The following PPFIBP1 variants were observed in gnomAD, a reference collection of about 807,000 sequenced individuals.
The protein encoded by PPFIBP1 is PPFIB scaffold protein 1, also known as liprin-beta-1.
A neutral mutation model predicts 137.8 loss-of-function variants in PPFIBP1; 112 were observed. That is an observed-to-expected ratio of 0.81 (90% CI 0.70 to 0.95). The LOEUF (loss-of-function observed/expected upper bound fraction) is 0.95. Among genes scored for constraint, PPFIBP1 ranks in the 40% least tolerant of loss-of-function variants. The probability of loss-of-function intolerance (pLI) is 0.00; values close to 1 mark genes in which losing one functional copy is unlikely to be tolerated. For synonymous variants in PPFIBP1, 378 were observed against 417.3 expected (o/e 0.91, Z 1.15); for missense variants, 1,083 against 1,196.6 (o/e 0.91, Z 1.40).
rs544474689 is a variant in PPFIBP1 at position 27,611,487 on chromosome 12, A to T, written c.-35-21875A>T. Among the ~76,000 whole-genome samples, 30 of 152,290 alleles carry T rather than the reference A, an allele frequency of 2.0e-4. No homozygotes were observed. The South Asian group carries it at 3.1e-3, about 16-fold the overall frequency. ...AATCTTGTTTAAATTGATTATAAAG[A>T]CCCTATATCCAAATAAGGTCACATG... is the stretch of plus-strand genomic sequence containing the variant. On this transcript the variant is annotated intron_variant, in intron 2 of 29. Transcript: ENST00000228425.
chr12:27,612,339 T>G (rs1370549083), intron 2 of PPFIBP1, among the ~76,000 whole-genome samples: 1 of 143,230 alleles, frequency 7.0e-6, no homozygotes, highest in Non-Finnish European at 1.5e-5. Flanking sequence ...TTTTTTTTTT[T>G]TTTTTTTTTT....
intron 5 of PPFIBP1, among the ~76,000 whole-genome samples, chr12:27,647,420 C>T (rs11834107): frequency 0.26 from 39,927 of 152,064 alleles, 6,217 homozygotes; most frequent in East Asian, 0.48. Context: ...TCCACGCTGC[C>T]CCCTAAAAAG....
At chr12:27,564,151 G>A (rs889921834) in intron 1 of PPFIBP1, among the ~76,000 whole-genome samples, 11 of 152,178 alleles carry the variant, frequency 7.2e-5, no homozygotes, top group Non-Finnish European at 1.6e-4. Context: ...GATTACAGGC[G>A]TGAGCCACCG....
chr12:27,652,975 G>T (rs2058967829), intron 7 of PPFIBP1, among the ~76,000 whole-genome samples: 1 of 152,080 alleles, frequency 6.6e-6, no homozygotes, highest in South Asian at 2.1e-4. Context: ...GAAGAAAATA[G>T]ATATCATCTA....
chr12:27,671,597 C>T, intron 14 of PPFIBP1, 51 bp downstream of exon 14: 1 of 1,197,568 alleles, frequency 8.4e-7, no homozygotes, highest in South Asian at 1.5e-5. Context: ...AGTAGATCAG[C>T]CAAAGACAAG....
chr12:27,662,683 C>CAAGT (rs2059623306), intron 11 of PPFIBP1, among the ~76,000 whole-genome samples: 1 of 152,074 alleles, frequency 6.6e-6, no homozygotes, highest in Non-Finnish European at 1.5e-5. Context: ...AGCACAGACT[C>CAAGT]AAGTACTGAA....
chr12:27,581,703 A>G (rs2051135638), intron 2 of PPFIBP1, among the ~76,000 whole-genome samples: 1 of 152,140 alleles, frequency 6.6e-6, no homozygotes, highest in South Asian at 2.1e-4. Flanking sequence ...AATTTGTACT[A>G]AAAATTATAA....
intron 7 of PPFIBP1, among the ~76,000 whole-genome samples, chr12:27,651,797 A>T (rs1406183689): frequency 6.6e-6 from 1 of 152,208 alleles, no homozygotes; most frequent in Non-Finnish European, 1.5e-5. Flanking sequence ...GCTAAATTGC[A>T]GTAGATGTGT....
intron 1 of PPFIBP1, among the ~76,000 whole-genome samples, chr12:27,528,041 C>T (rs998865938): frequency 2.6e-5 from 4 of 152,114 alleles, no homozygotes; most frequent in East Asian, 1.9e-4. Flanking sequence ...CTCCACTTCC[C>T]GGGTTCAAAT....
chr12:27,685,783 G>T (rs1166612405), intron 24 of PPFIBP1, among the ~76,000 whole-genome samples: 2 of 152,126 alleles, frequency 1.3e-5, no homozygotes, highest in African/African-American at 4.8e-5. Flanking sequence ...TCATGATTAT[G>T]TCAGATGTTA....
intron 1 of PPFIBP1, among the ~76,000 whole-genome samples, chr12:27,549,748 G>T (rs1946580208): frequency 6.6e-6 from 1 of 152,114 alleles, no homozygotes; most frequent in Non-Finnish European, 1.5e-5. Context: ...GTTCCAGCGG[G>T]GCTTGGAAAG....
chr12:27,592,666 G>A, intron 2 of PPFIBP1: 4 of 1,528,408 alleles, frequency 2.6e-6, no homozygotes, highest in Non-Finnish European at 3.6e-6. Flanking sequence ...GTGGGAAGGA[G>A]TGTCATCCTT....
At chr12:27,563,976 G>A (rs999396946) in intron 1 of PPFIBP1, among the ~76,000 whole-genome samples, 5 of 151,630 alleles carry the variant, frequency 3.3e-5, no homozygotes, top group African/African-American at 1.2e-4. Context: ...GTGTTCAAGC[G>A]ATTCTCCTGC....
intron 2 of PPFIBP1, among the ~76,000 whole-genome samples, chr12:27,595,444 T>C (rs1286062482): frequency 6.6e-6 from 1 of 152,180 alleles, no homozygotes; most frequent in African/African-American, 2.4e-5. Flanking sequence ...GTCTGTGTTC[T>C]GAGACTGTTG....
At chr12:27,637,065 T>C (rs2057730956) in intron 4 of PPFIBP1, 1 of 152,238 alleles carries the variant, frequency 6.6e-6, no homozygotes, top group Non-Finnish European at 1.5e-5. Flanking sequence ...ATTATACCCA[T>C]TTATTCCTTG....
intron 17 of PPFIBP1, among the ~76,000 whole-genome samples, chr12:27,674,811 ATTT>A (rs72418237): frequency 2.0e-4 from 22 of 108,720 alleles, no homozygotes; most frequent in Admixed American, 2.0e-3. Context: ...CTTTCCCCTG[ATTT>A]TTTTTTTTTT....
At chr12:27,562,189 G>A (rs2049224861) in intron 1 of PPFIBP1, among the ~76,000 whole-genome samples, 1 of 151,994 alleles carries the variant, frequency 6.6e-6, no homozygotes, top group African/African-American at 2.4e-5. Flanking sequence ...TTCCTACGCA[G>A]TGACTGTATT....
intron 4 of PPFIBP1, chr12:27,637,293 A>G (rs2057751050): frequency 6.6e-6 from 1 of 152,174 alleles, no homozygotes; most frequent in African/African-American, 2.4e-5. Context: ...TGCTCCATGA[A>G]TGATAAAGTG....
chr12:27,550,039 G>T (rs953712282), intron 1 of PPFIBP1, among the ~76,000 whole-genome samples: 2 of 152,240 alleles, frequency 1.3e-5, no homozygotes, highest in African/African-American at 4.8e-5. Context: ...ATGGCTTATT[G>T]TGAAGGGTTT....
Sources: allele counts gnomAD v4.1 joint callset (sites outside exome capture counted in the v4.1 genomes callset), GRCh38; gene constraint gnomAD v4.1.1; transcripts MANE v1.5; gene names NCBI Gene and HGNC (gene_info 2026-07-23, HGNC 2026-07-21).